The following SCFD2 variants were observed in gnomAD, a reference collection of about 807,000 sequenced individuals.
SCFD2 encodes sec1 family domain-containing protein 2.
Under a neutral mutation model 58.9 loss-of-function variants are expected in SCFD2, and 54 were observed. The ratio of observed to expected loss-of-function variants is 0.92; its 90% CI spans 0.74 to 1.15. The LOEUF is 1.15. SCFD2 is among the 50% of genes most tolerant of loss of function. The pLI is 0.00. For missense variants in SCFD2, 805 were observed against 836.6 expected, an observed-to-expected ratio of 0.96 and a Z score of 0.47; for synonymous variants, 321 against 335.9, an observed-to-expected ratio of 0.96 and a Z score of 0.49.
chr4:53,073,517 TTCCAAGCCCTGTTGACCC>T (rs1004949289), intron 5 of SCFD2, among the ~76,000 whole-genome samples: 11 of 152,124 alleles, frequency 7.2e-5, no homozygotes, highest in Admixed American at 5.9e-4. Context: ...ATACCAAACA[TTCCAAGCCCTGTTGACCC>T]TCTCAACACT....
Position 52,925,339 on chromosome 4 carries a change from C to CAT in SCFD2, c.1562-4471_1562-4470dup, listed in dbSNP as rs915818417. Reference sequence around the variant, plus strand: ...TGTGCTATTTCATATCTGCTAAAGCCATATATATATATATACATATATATA... The same window carrying CAT: ...TGTGCTATTTCATATCTGCTAAAGCCATATATATATATATATACATATATATA... On this transcript the variant is annotated intron_variant, in intron 5 of 8. Transcript: ENST00000401642. Among the ~76,000 whole-genome samples the CAT allele has an allele frequency of 6.7e-3, 912 of 137,048 alleles. 8 individuals carry two copies. Among genetic ancestry groups the CAT allele is most frequent in the African/African-American group, 0.022 (743 of 33,666 alleles). The allele number at this position is 137,048 out of a possible 152,430, so 89.9% of individuals were successfully genotyped here.
chr4:53,007,821 T>C (rs1284637464), intron 5 of SCFD2, among the ~76,000 whole-genome samples: 1 of 152,226 alleles, frequency 6.6e-6, no homozygotes. Context: ...TTGGTCTTAG[T>C]GCATTTAAGT....
At chr4:53,169,563 C>A (rs1220486380) in intron 4 of SCFD2, among the ~76,000 whole-genome samples, 1 of 151,722 alleles carries the variant, frequency 6.6e-6, no homozygotes, top group Non-Finnish European at 1.5e-5. Flanking sequence ...GGATATATAC[C>A]CAAAGTGGTA....
intron 5 of SCFD2, among the ~76,000 whole-genome samples, chr4:53,014,297 T>C (rs1722161508): frequency 6.6e-6 from 1 of 152,214 alleles, no homozygotes; most frequent in African/African-American, 2.4e-5. Context: ...TCAGAGTTTT[T>C]GTGAAAACAG....
chr4:53,360,079 A>T (rs1364859013), intron 1 of SCFD2, among the ~76,000 whole-genome samples: 3 of 152,196 alleles, frequency 2.0e-5, no homozygotes, highest in African/African-American at 7.2e-5. Context: ...TAATAAGTAG[A>T]GGGGTTATTT....
At chr4:53,228,523 C>T (rs1188135135) in intron 4 of SCFD2, among the ~76,000 whole-genome samples, 3 of 152,088 alleles carry the variant, frequency 2.0e-5, no homozygotes, top group Non-Finnish European at 4.4e-5. Context: ...AAGATATTTT[C>T]TATATCTCAG....
At chr4:53,266,148 C>T (rs548712139) in intron 4 of SCFD2, among the ~76,000 whole-genome samples, 1 of 152,272 alleles carries the variant, frequency 6.6e-6, no homozygotes, top group Non-Finnish European at 1.5e-5. Context: ...TACTGTCTAA[C>T]ATTATCAAAC....
rs532912433 is a variant in SCFD2, at chr4:53,119,726, G to A, written c.1561+25607C>T. Among the ~76,000 whole-genome samples the A allele has an allele frequency of 1.4e-4, 21 of 152,238 alleles. No individual in the cohort carries two copies. In the South Asian group the frequency reaches 4.4e-3, roughly 32 times the overall value. On this transcript the variant is annotated intron_variant, in intron 5 of 8. Transcript: ENST00000401642. ...ACTTTCCAAACCCCTGAAGAGTGCT[G>A]TAATCCCCTGTAGAAAACAGATAAA...
chr4:53,249,148 A>C (rs1311065988), intron 4 of SCFD2, among the ~76,000 whole-genome samples: 2 of 152,244 alleles, frequency 1.3e-5, no homozygotes, highest in East Asian at 3.8e-4. Context: ...CTCGAGAACT[A>C]CGTGAAGAAT....
chr4:52,998,463 A>T (rs1721793639), intron 5 of SCFD2, among the ~76,000 whole-genome samples: 2 of 152,252 alleles, frequency 1.3e-5, no homozygotes, highest in South Asian at 4.1e-4. Flanking sequence ...GTCAATGATA[A>T]GAGATTAAAT....
At chr4:53,348,608 A>G (rs1358644682) in intron 2 of SCFD2, among the ~76,000 whole-genome samples, 1 of 152,044 alleles carries the variant, frequency 6.6e-6, no homozygotes, top group Admixed American at 6.5e-5. Flanking sequence ...CTATCGCTTT[A>G]TCTTTTACAA....
At chr4:53,093,408 CAATTTGGCAAT>C (rs1162443052) in intron 5 of SCFD2, among the ~76,000 whole-genome samples, 1 of 152,056 alleles carries the variant, frequency 6.6e-6, no homozygotes, top group African/African-American at 2.4e-5. Flanking sequence ...CCATTGAGAG[CAATTTGGCAAT>C]AATTTGGCAA....
In SCFD2 at chr4:52,920,939, C is replaced by T. The variant is rs1399187097; in HGVS notation, c.1562-69G>A. ...AGTTTTCATCATGACAGCTTGAGCT[C>T]GATGTAATGTAGTTGGGAGGTTTTT... On this transcript the variant is annotated intron_variant, in intron 5 of 8. Coordinates refer to ENST00000401642, the MANE Select transcript of SCFD2 (RefSeq NM_152540.4). 5.4e-5 allele frequency: 51 copies of T among 946,748 alleles called. 1 individual carries two copies. In the South Asian group the frequency reaches 7.0e-4, roughly 13 times the overall value. 58.6% of individuals were successfully genotyped at this position (946,748 alleles called of 1,614,324 possible).
At chr4:53,301,262 G>A (rs1732279575) in intron 3 of SCFD2, among the ~76,000 whole-genome samples, 2 of 152,084 alleles carry the variant, frequency 1.3e-5, no homozygotes, top group Non-Finnish European at 2.9e-5. Flanking sequence ...AAATGACAAA[G>A]GGGATATCAC....
chr4:53,294,365 A>T (rs1731947996), intron 3 of SCFD2, among the ~76,000 whole-genome samples: 1 of 152,114 alleles, frequency 6.6e-6, no homozygotes, highest in African/African-American at 2.4e-5. Context: ...ACATCATTGT[A>T]GTTTTGATTT....
At chr4:53,156,708 A>G (rs531291455) in intron 4 of SCFD2, among the ~76,000 whole-genome samples, 2 of 152,162 alleles carry the variant, frequency 1.3e-5, no homozygotes, top group Non-Finnish European at 2.9e-5. Context: ...AAAACAAACA[A>G]AGAGCTCATG....
At chr4:53,138,088 T>C (rs554317983) in intron 5 of SCFD2, among the ~76,000 whole-genome samples, 2 of 152,318 alleles carry the variant, frequency 1.3e-5, no homozygotes, top group East Asian at 3.9e-4. Context: ...CTACCCTATA[T>C]GACAGCTAGA....
chr4:52,908,955 A>G (rs1325594662), intron 6 of SCFD2, among the ~76,000 whole-genome samples: 1 of 152,204 alleles, frequency 6.6e-6, no homozygotes, highest in Non-Finnish European at 1.5e-5. Flanking sequence ...AATATTTTGA[A>G]AACTATGGAT....
At chr4:53,169,547 T>G (rs1413572132) in intron 4 of SCFD2, among the ~76,000 whole-genome samples, 2 of 152,064 alleles carry the variant, frequency 1.3e-5, no homozygotes, top group Non-Finnish European at 2.9e-5. Context: ...CAATTTCGTT[T>G]GCTTTGGATA....
Sources: gnomAD v4.1 joint callset for allele counts (sites outside exome capture counted in the v4.1 genomes callset) on GRCh38, gnomAD v4.1.1 for gene constraint, MANE v1.5 for transcripts, NCBI Gene and HGNC (gene_info 2026-07-23, HGNC 2026-07-21) for gene names.